RCAN3: variants seen among roughly 807,000 people sequenced by gnomAD.
The protein encoded by RCAN3 is regulator of calcineurin 3.
In RCAN3, 19 loss-of-function variants were observed where a neutral mutation model predicts 21.9. The ratio of observed to expected loss-of-function variants is 0.87; its 90% CI spans 0.61 to 1.27. RCAN3 has a LOEUF of 1.27. RCAN3 is among the 50% of genes most tolerant of loss of function. The probability of loss-of-function intolerance (pLI) is 0.00; values close to 1 mark genes in which losing one functional copy is unlikely to be tolerated. For synonymous variants in RCAN3, 114 were observed against 112.3 expected, an observed-to-expected ratio of 1.01 and a Z score of -0.09; for missense variants, 240 against 300.1, an observed-to-expected ratio of 0.80 and a Z score of 1.48.
In RCAN3 at chr1:24,535,166, T is replaced by A; in HGVS notation, c.615T>A (p.Thr205=). 6.3e-7 allele frequency: 1 copy of A among 1,597,652 alleles called. No individual in the cohort carries two copies. The highest frequency in any genetic ancestry group is 8.5e-7 in the Non-Finnish European group (1 of 1,174,448). The change falls in exon 5 of 5, where the codon ACT becomes ACA. Residue 205 remains threonine (T), a synonymous_variant. Coordinates refer to ENST00000374395, the MANE Select transcript of RCAN3 (RefSeq NM_013441.4). ...SVVVHVCESE[T]EEEEETKNPK... is the part of the protein sequence containing the mutation. ...TGGTTCATGTCTGTGAAAGTGAAAC[T>A]GAAGAGGAAGAAGAGACAAAAAACC... is the stretch of plus-strand genomic sequence containing the variant.
rs74888102 is a variant in RCAN3 at position 24,517,094 on chromosome 1, G to T, written c.195+2527G>T. Among the ~76,000 whole-genome samples, 577 of 126,260 alleles carry T rather than the reference G, an allele frequency of 4.6e-3. 4 individuals are homozygous for T. The highest frequency in any genetic ancestry group is 0.017 in the African/African-American group (541 of 31,156). The allele number at this position is 126,260 out of a possible 152,430, so 82.8% of individuals were successfully genotyped here. On this transcript the variant is annotated intron_variant, in intron 2 of 4. Coordinates refer to ENST00000374395, the MANE Select transcript of RCAN3 (RefSeq NM_013441.4). ...CTTTTCTATTTTTTTGTTTTTTTTTGTTTTTTTTTTGTTTGTTTGTTTGTT... is the reference window on the plus strand; with the variant it reads ...CTTTTCTATTTTTTTGTTTTTTTTTTTTTTTTTTTTGTTTGTTTGTTTGTT...
Position 24,531,381 on chromosome 1 carries a change from A to G in RCAN3, c.359A>G (p.Tyr120Cys), listed in dbSNP as rs746289950. 2.5e-6 allele frequency: 4 copies of G among 1,609,442 alleles called. No homozygotes were observed. In the Admixed American group the frequency reaches 5.1e-5, roughly 21 times the overall value. ...TDFNGQKLKL[Y>C]FAQVQMSGEV... Reference sequence around the variant, plus strand: ...TTCAATGGGCAGAAGCTAAAGCTATATTTTGCACAGGTACTTCACCGTGCA... The same window carrying G: ...TTCAATGGGCAGAAGCTAAAGCTATGTTTTGCACAGGTACTTCACCGTGCA... The change falls in exon 3 of 5, where the codon TAT becomes TGT. Residue 120 changes from tyrosine (Y) to cysteine (C), a missense_variant. Coordinates refer to ENST00000374395, the MANE Select transcript of RCAN3 (RefSeq NM_013441.4).
intron 1 of RCAN3, among the ~76,000 whole-genome samples, chr1:24,505,225 CTTTTTTCTTTTTTTTTTTTTTT>C (rs997854490): frequency 9.1e-6 from 1 of 109,556 alleles, no homozygotes; most frequent in Non-Finnish European, 1.8e-5. Flanking sequence ...TTTTTTTTCT[CTTTTTTCTTTTTTTTTTTTTTT>C]TTTTTTCTTT....
chr1:24,529,828 G>A (rs1427110274), intron 2 of RCAN3, among the ~76,000 whole-genome samples: 4 of 151,350 alleles, frequency 2.6e-5, no homozygotes, highest in Admixed American at 2.6e-4. Context: ...TGGGATTACA[G>A]GCTTGAGCCA....
At chr1:24,511,860 A>G (rs1039375176) in intron 1 of RCAN3, among the ~76,000 whole-genome samples, 1 of 152,182 alleles carries the variant, frequency 6.6e-6, no homozygotes, top group African/African-American at 2.4e-5. Flanking sequence ...GTTGCCATCC[A>G]TGAGGAGGAC....
intron 1 of RCAN3, among the ~76,000 whole-genome samples, chr1:24,509,175 T>C (rs1034780965): frequency 8.5e-5 from 13 of 152,126 alleles, no homozygotes; most frequent in Admixed American, 2.0e-4. Flanking sequence ...CAAAAAATAA[T>C]GCAAACGATT....
intron 2 of RCAN3, among the ~76,000 whole-genome samples, chr1:24,520,860 A>G (rs114140998): frequency 1.3e-5 from 2 of 151,934 alleles, no homozygotes; most frequent in African/African-American, 4.8e-5. Flanking sequence ...AAAATAAAAT[A>G]AAATTAAAAG....
At chr1:24,515,611 G>T (rs145378638) in intron 2 of RCAN3, among the ~76,000 whole-genome samples, 2 of 152,032 alleles carry the variant, frequency 1.3e-5, no homozygotes, top group African/African-American at 4.8e-5. Context: ...GTTTTCAGCC[G>T]ATGTACCCAA....
At chr1:24,502,704 G>T (rs577720809), upstream of RCAN3, among the ~76,000 whole-genome samples, 35 of 151,776 alleles carry the variant, frequency 2.3e-4, no homozygotes, top group Middle Eastern at 3.4e-3. Context: ...CAGGAACCCG[G>T]AGGAGCGGGA....
At chr1:24,522,905 C>G (rs1475252183) in intron 2 of RCAN3, among the ~76,000 whole-genome samples, 1 of 152,178 alleles carries the variant, frequency 6.6e-6, no homozygotes, top group African/African-American at 2.4e-5. Context: ...TGTCTCCTCC[C>G]AGAGATAACC....
intron 1 of RCAN3, among the ~76,000 whole-genome samples, chr1:24,508,526 A>T (rs1647631584): frequency 6.6e-6 from 1 of 152,180 alleles, no homozygotes; most frequent in African/African-American, 2.4e-5. Context: ...GTGGAGAAAG[A>T]GGCAGTAAAA....
At position 24,536,102 on chromosome 1, in the gene RCAN3, C is replaced by T. The variant is rs768595542; in HGVS notation, c.*825C>T. 1 of 152,220 alleles carries T rather than the reference C, an allele frequency of 6.6e-6. No homozygotes were observed. The highest frequency in any genetic ancestry group is 2.4e-5 in the African/African-American group (1 of 41,446). 9.4% of individuals were successfully genotyped at this position (152,220 alleles called of 1,614,324 possible). A position where few individuals can be genotyped will look rare whatever the true frequency, so the allele number is the denominator to read the frequency against. Reference sequence around the variant, plus strand: ...CGTGACCGTGTTCTAGCCTGTAGACCACCCAGCTACCTTCATTCACCAGTT... The same window carrying T: ...CGTGACCGTGTTCTAGCCTGTAGACTACCCAGCTACCTTCATTCACCAGTT... On this transcript the variant is annotated 3_prime_UTR_variant, in exon 5 of 5. Coordinates refer to ENST00000374395, the MANE Select transcript of RCAN3 (RefSeq NM_013441.4).
intron 1 of RCAN3, among the ~76,000 whole-genome samples, chr1:24,503,489 G>C (rs1647233366): frequency 1.3e-5 from 2 of 152,240 alleles, no homozygotes; most frequent in African/African-American, 4.8e-5. Context: ...TGCCTGTGAA[G>C]GCAGGAGCGG....
chr1:24,513,252 A>G (rs1224840521), intron 1 of RCAN3, among the ~76,000 whole-genome samples: 1 of 151,802 alleles, frequency 6.6e-6, no homozygotes, highest in African/African-American at 2.4e-5. Context: ...AAAGTTCAGA[A>G]AAAGGACACC....
intron 2 of RCAN3, among the ~76,000 whole-genome samples, chr1:24,526,549 A>G (rs950832265): frequency 4.6e-5 from 7 of 152,216 alleles, no homozygotes; most frequent in African/African-American, 1.7e-4. Flanking sequence ...AACTGTTTGC[A>G]AGATAGCTTC....
chr1:24,525,759 T>C lies in RCAN3; in HGVS notation c.196-5459T>C, dbSNP rs2148906181. Reference sequence around the variant, plus strand: ...CAGTCCATTTTCATAGATTATGTCCTTCCCCTGCCGTCTGCAATCTTCTAA... The same window carrying C: ...CAGTCCATTTTCATAGATTATGTCCCTCCCCTGCCGTCTGCAATCTTCTAA... On this transcript the variant is annotated intron_variant, in intron 2 of 4. Coordinates refer to ENST00000374395, the MANE Select transcript of RCAN3 (RefSeq NM_013441.4). This position sits in a 1 kb window ranked among gnomAD's most constrained non-coding sequence, Gnocchi z 4.1. Among the ~76,000 whole-genome samples the C allele has an allele frequency of 6.6e-6, 1 of 152,324 alleles. No homozygotes were observed. Among genetic ancestry groups the C allele is most frequent in the South Asian group, 2.1e-4 (1 of 4,826 alleles).
Position 24,535,270 on chromosome 1 carries a change from C to A in RCAN3, c.719C>A (p.Ala240Glu). 1 of 1,539,182 alleles carries A rather than the reference C, an allele frequency of 6.5e-7. No individual in the cohort carries two copies. The highest frequency in any genetic ancestry group is 2.3e-5 in the Admixed American group (1 of 43,768). ...ALNEPQTFDC[A>E]L Reference sequence around the variant, plus strand: ...AATGAGCCCCAGACCTTTGATTGCGCGCTGTGAGGCCCTTGGTTGTGGTGC... The same window carrying A: ...AATGAGCCCCAGACCTTTGATTGCGAGCTGTGAGGCCCTTGGTTGTGGTGC... Residue 240 changes from alanine to glutamate, a missense_variant, in exon 5 of 5, where the codon GCG becomes GAG. Transcript: ENST00000374395.
chr1:24,539,091 T>A lies in RCAN3; in HGVS notation c.*3814T>A, dbSNP rs1297726285. 1 of 152,136 alleles carries A rather than the reference T, an allele frequency of 6.6e-6. No homozygotes were observed. The highest frequency in any genetic ancestry group is 6.6e-5 in the Admixed American group (1 of 15,256). 9.4% of individuals were successfully genotyped at this position (152,136 alleles called of 1,614,324 possible). A position where few individuals can be genotyped will look rare whatever the true frequency, so the allele number is the denominator to read the frequency against. On this transcript the variant is annotated 3_prime_UTR_variant, in exon 5 of 5. Coordinates refer to ENST00000374395, the MANE Select transcript of RCAN3 (RefSeq NM_013441.4). The stretch of plus-strand genomic sequence containing the variant: ...CCCATGTTACACAGATTAGAAAAAC[T>A]GAGGTTATGGCACTGACTTAGGCAC...
Position 24,539,418 on chromosome 1 carries a change from A to G in RCAN3, c.*4141A>G, listed in dbSNP as rs1003007160. ...GGCTGGAATCTGCCTAAATAATTTT[A>G]TCTTGGTAGCCAGCAATTATGTTGG... On this transcript the variant is annotated 3_prime_UTR_variant, in exon 5 of 5. Transcript: ENST00000374395. 24 of 152,188 alleles carry G rather than the reference A, an allele frequency of 1.6e-4. No individual in the cohort carries two copies. The highest frequency in any genetic ancestry group is 5.5e-4 in the African/African-American group (23 of 41,446). The allele number at this position is 152,188 out of a possible 1,614,324, so 9.4% of individuals were successfully genotyped here.
Sources: allele counts gnomAD v4.1 joint callset (sites outside exome capture counted in the v4.1 genomes callset), GRCh38; gene constraint gnomAD v4.1.1; non-coding constraint Gnocchi (gnomAD v3.1); transcripts MANE v1.5; gene names NCBI Gene and HGNC (gene_info 2026-07-23, HGNC 2026-07-21).